DAB1: variants seen among roughly 807,000 people sequenced by gnomAD.
DAB1 encodes DAB adaptor protein 1.
DAB1 carries 15 observed loss-of-function variants against 64.6 expected under a neutral mutation model. The observed-to-expected ratio is 0.23, with a 90% CI of 0.16 to 0.36. The LOEUF (loss-of-function observed/expected upper bound fraction) is 0.36, where lower values mean the gene tolerates loss of function less well. Ranked by LOEUF, DAB1 falls within the 10% of genes least tolerant of loss-of-function variation. The pLI is 1.00. For synonymous variants in DAB1, 235 were observed against 251.9 expected (o/e 0.93, Z 0.64); for missense variants, 596 against 706.7 (o/e 0.84, Z 1.78).
chr1:57,161,850 CA>C (rs74260673), intron 2 of DAB1, among the ~76,000 whole-genome samples: 1,763 of 127,772 alleles, frequency 0.014, 29 homozygotes, highest in East Asian at 0.091. Flanking sequence ...ACCCATTCTT[CA>C]AAAAAAAAAA....
At chr1:58,466,942 T>C (rs1053559770) in intron 3 of DAB1, among the ~76,000 whole-genome samples, 1 of 152,158 alleles carries the variant, frequency 6.6e-6, no homozygotes, top group African/African-American at 2.4e-5. Context: ...GCAGGTGTTG[T>C]TGAATGAATG....
At chr1:57,147,028 G>T (rs1345673482) in intron 2 of DAB1, among the ~76,000 whole-genome samples, 3 of 130,878 alleles carry the variant, frequency 2.3e-5, no homozygotes, top group African/African-American at 1.1e-4. Context: ...CTGTCCCACT[G>T]TTTTTCTTTT....
chr1:57,402,163 C>T (rs1037348995), intron 1 of DAB1, among the ~76,000 whole-genome samples: 17 of 152,128 alleles, frequency 1.1e-4, no homozygotes, highest in African/African-American at 4.1e-4. Context: ...TGAGGTCAAT[C>T]TCATCTTGTA....
At position 57,877,623 on chromosome 1, in the gene DAB1, C is replaced by G. The variant is rs867983255; in HGVS notation, n.87+6376G>C. ...GGCCGGACTGCGGACTGCAGTGGCG[C>G]AATCTCGGCTCACTGCAAGCTCCGC... On this transcript the variant is annotated intron_variant and non_coding_transcript_variant, in intron 1 of 1. Coordinates refer to the DAB1 transcript ENST00000477280. Among the ~76,000 whole-genome samples, 88 of 22,968 alleles carry G rather than the reference C, an allele frequency of 3.8e-3. 26 individuals carry two copies. Among genetic ancestry groups the G allele is most frequent in the Middle Eastern group, 0.031 (2 of 64 alleles). 15.1% of individuals were successfully genotyped at this position (22,968 alleles called of 152,430 possible).
At chr1:57,671,434 C>T (rs1646509094) in intron 6 of DAB1, among the ~76,000 whole-genome samples, 1 of 151,950 alleles carries the variant, frequency 6.6e-6, no homozygotes, top group Non-Finnish European at 1.5e-5. Flanking sequence ...GAGGCAGCAG[C>T]CTTCTAAGGA....
intron 2 of DAB1, among the ~76,000 whole-genome samples, chr1:57,267,579 C>T (rs907458645): frequency 4.6e-5 from 7 of 152,198 alleles, no homozygotes; most frequent in African/African-American, 9.6e-5. Flanking sequence ...TCCAGCACTT[C>T]GCAGCCCGAG....
chr1:57,210,616 A>G (rs566836036), intron 2 of DAB1, among the ~76,000 whole-genome samples: 2 of 152,320 alleles, frequency 1.3e-5, no homozygotes, highest in African/African-American at 4.8e-5. Context: ...TTTGAGGAAC[A>G]CTACAAAAAA....
chr1:58,545,584 T>C (rs896730094), intron 1 of DAB1, among the ~76,000 whole-genome samples: 2 of 152,210 alleles, frequency 1.3e-5, no homozygotes, highest in African/African-American at 4.8e-5. Context: ...GGCAGACTTC[T>C]AGGATAACAA....
chr1:57,889,468 T>C (rs1644274063), intron 5 of DAB1, among the ~76,000 whole-genome samples: 1 of 152,230 alleles, frequency 6.6e-6, no homozygotes, highest in African/African-American at 2.4e-5. Flanking sequence ...CAGGATTCTT[T>C]CCATACCTGA....
intron 5 of DAB1, among the ~76,000 whole-genome samples, chr1:57,993,351 T>C (rs1167284541): frequency 6.6e-6 from 1 of 151,830 alleles, no homozygotes; most frequent in Non-Finnish European, 1.5e-5. Context: ...CCCACCGGAG[T>C]CTTTCCAATG....
chr1:57,540,784 G>A (rs1644792293), intron 7 of DAB1, among the ~76,000 whole-genome samples: 1 of 152,190 alleles, frequency 6.6e-6, no homozygotes, highest in South Asian at 2.1e-4. Context: ...GAGGTAGAAA[G>A]TAGCGTGATA....
chr1:57,657,599 C>T (rs902483364), intron 6 of DAB1, among the ~76,000 whole-genome samples: 3 of 152,212 alleles, frequency 2.0e-5, no homozygotes, highest in Non-Finnish European at 4.4e-5. Flanking sequence ...GCATTCATAT[C>T]TGCAAGGCAG....
intron 4 of DAB1, among the ~76,000 whole-genome samples, chr1:58,259,632 G>A (rs1661006309): frequency 6.6e-6 from 1 of 152,156 alleles, no homozygotes; most frequent in Admixed American, 6.5e-5. Flanking sequence ...AAGATGTAGG[G>A]CCTGGCACAG....
intron 1 of DAB1, among the ~76,000 whole-genome samples, chr1:57,351,949 A>T (rs548867121): frequency 6.6e-5 from 10 of 152,240 alleles, no homozygotes; most frequent in Non-Finnish European, 1.5e-4. Flanking sequence ...AGCTATAGTC[A>T]GAAAGAAAAT....
intron 3 of DAB1, among the ~76,000 whole-genome samples, chr1:58,379,490 C>T (rs140728050): frequency 3.6e-3 from 551 of 152,264 alleles, no homozygotes; most frequent in Admixed American, 5.6e-3. Context: ...ATTAGCTAAC[C>T]GTTTGTTTTA....
chr1:57,722,662 T>G (rs548517769), intron 6 of DAB1, among the ~76,000 whole-genome samples: 2 of 152,304 alleles, frequency 1.3e-5, no homozygotes, highest in East Asian at 3.9e-4. Flanking sequence ...CTTTGCATAA[T>G]TTTGCAATGT....
chr1:57,363,520 A>G (rs976199665), intron 1 of DAB1, among the ~76,000 whole-genome samples: 3 of 152,214 alleles, frequency 2.0e-5, no homozygotes, highest in Non-Finnish European at 4.4e-5. Context: ...TCCTCATTGT[A>G]AAATGGTGAT....
intron 7 of DAB1, among the ~76,000 whole-genome samples, chr1:57,614,806 A>G (rs937137113): frequency 6.7e-6 from 1 of 148,796 alleles, no homozygotes; most frequent in East Asian, 2.0e-4. Flanking sequence ...TCCATAGTGG[A>G]TATTGTAAAA....
At chr1:58,313,819 ATGTG>A (rs35817738) in intron 4 of DAB1, among the ~76,000 whole-genome samples, 117 of 120,022 alleles carry the variant, frequency 9.7e-4, no homozygotes, top group East Asian at 2.8e-3. Flanking sequence ...TTGTATCTTC[ATGTG>A]TGTGTGTGTG....
Sources: allele counts gnomAD v4.1 joint callset (sites outside exome capture counted in the v4.1 genomes callset), GRCh38; gene constraint gnomAD v4.1.1; transcripts MANE v1.5; gene names NCBI Gene and HGNC (gene_info 2026-07-23, HGNC 2026-07-21).